The following CAPN3 variants were observed in gnomAD, a reference collection of about 807,000 sequenced individuals.
CAPN3 encodes calpain-3.
In CAPN3, 88 loss-of-function variants were observed where a neutral mutation model predicts 114.0. The ratio of observed to expected loss-of-function variants is 0.77; its 90% CI spans 0.65 to 0.92. CAPN3 has a LOEUF of 0.92. Ranked by LOEUF, CAPN3 falls within the 40% of genes least tolerant of loss-of-function variation. CAPN3 has a pLI of 0.00. For synonymous variants in CAPN3, 386 were observed against 382.9 expected (o/e 1.01, Z -0.09); for missense variants, 1,028 against 1,069.0 (o/e 0.96, Z 0.53).
At chr15:42,377,114 A>T (rs975763357) in intron 1 of CAPN3, among the ~76,000 whole-genome samples, 4 of 151,836 alleles carry the variant, frequency 2.6e-5, no homozygotes, top group Admixed American at 2.0e-4. Flanking sequence ...GTCATCTGTA[A>T]ATAAAGATAG....
In CAPN3 at chr15:42,380,368, C is replaced by CTTTTTT. The variant is rs776441239; in HGVS notation, c.310-4091_310-4086dup. Among the ~76,000 whole-genome samples, 45 of 46,108 alleles carry CTTTTTT rather than the reference C, an allele frequency of 9.8e-4. 3 individuals are homozygous for CTTTTTT. The highest frequency in any genetic ancestry group is 1.2e-3 in the African/African-American group (11 of 8,816). 30.2% of individuals were successfully genotyped at this position (46,108 alleles called of 152,430 possible). A position where few individuals can be genotyped will look rare whatever the true frequency, so the allele number is the denominator to read the frequency against. The stretch of plus-strand genomic sequence containing the variant: ...TATCCTTTTACCTCTTCTTTTTTGT[C>CTTTTTT]TTTTTTTTTTTTTTTTTTTTTTTTT... On this transcript the variant is annotated intron_variant, in intron 1 of 23. Coordinates refer to ENST00000397163, the MANE Select transcript of CAPN3 (RefSeq NM_000070.3).
intron 15 of CAPN3, among the ~76,000 whole-genome samples, chr15:42,407,205 G>A (rs1217892495): frequency 6.6e-6 from 1 of 152,210 alleles, no homozygotes; most frequent in East Asian, 1.9e-4. Flanking sequence ...CCTTGTTTGT[G>A]TAGCATCTTA....
intron 19 of CAPN3, 45 bp from the exon 20 acceptor site, chr15:42,410,383 G>A (rs1201725488): frequency 6.3e-7 from 1 of 1,575,232 alleles, no homozygotes; most frequent in South Asian, 1.1e-5. Context: ...CCAAATCCAG[G>A]GGGATTTTGC....
intron 7 of CAPN3, among the ~76,000 whole-genome samples, 184 bp from the exon 8 acceptor site, chr15:42,394,072 G>C (rs1186102323): frequency 6.6e-6 from 1 of 152,042 alleles, no homozygotes; most frequent in East Asian, 1.9e-4. Context: ...GACTCAGGAG[G>C]AAAGGTCTGA....
chr15:42,369,722 C>T (rs1555418342), intron 1 of CAPN3, among the ~76,000 whole-genome samples: 1 of 152,066 alleles, frequency 6.6e-6, no homozygotes, highest in Non-Finnish European at 1.5e-5. Context: ...ACATTTGTTG[C>T]CCCACAACTG....
chr15:42,408,347 T>C, intron 16 of CAPN3, 23 bp downstream of exon 16: 1 of 1,503,520 alleles, frequency 6.7e-7, no homozygotes, highest in Non-Finnish European at 9.3e-7. Context: ...GTGGCATGGG[T>C]GGGGTGGCCA....
At chr15:42,364,171 A>G (rs1474695531) in intron 1 of CAPN3, among the ~76,000 whole-genome samples, 2 of 152,218 alleles carry the variant, frequency 1.3e-5, no homozygotes, top group African/African-American at 4.8e-5. Flanking sequence ...CTAAGAGCCC[A>G]GGCTCTGAGG....
At position 42,387,735 on chromosome 15, in the gene CAPN3, C is replaced by T. The variant is rs144299553; in HGVS notation, c.499-18C>T. The T allele has an allele frequency of 6.3e-5, 101 of 1,614,088 alleles. 1 individual carries two copies. The South Asian group carries it at 6.7e-4, about 11-fold the overall frequency. On this transcript the variant is annotated intron_variant, in intron 3 of 23. Coordinates refer to ENST00000397163, the MANE Select transcript of CAPN3 (RefSeq NM_000070.3). ...AGTAATTTGAGTATGTGACTCTGTGCGTGACGCTTCTGTGCAGTTCTGGCG... is the reference window on the plus strand; with the variant it reads ...AGTAATTTGAGTATGTGACTCTGTGTGTGACGCTTCTGTGCAGTTCTGGCG...
At chr15:42,396,562 A>G (rs1349490107) in intron 8 of CAPN3, among the ~76,000 whole-genome samples, 5 of 152,070 alleles carry the variant, frequency 3.3e-5, no homozygotes, top group African/African-American at 1.2e-4. Flanking sequence ...CTTAACCTTT[A>G]AAGTATGATG....
chr15:42,380,751 A>ATATATATATATATATT (rs1436943739), intron 1 of CAPN3, among the ~76,000 whole-genome samples: 1 of 64,484 alleles, frequency 1.6e-5, no homozygotes, highest in African/African-American at 9.0e-5. Context: ...ATATATATAT[A>ATATATATATATATATT]TTTTTTTTTT....
chr15:42,411,482 G>A (rs2054232019), intron 23 of CAPN3, 137 bp downstream of exon 23: 3 of 900,998 alleles, frequency 3.3e-6, no homozygotes, highest in Admixed American at 3.5e-5. Flanking sequence ...GAACATGGAG[G>A]GAGGCTCAGC....
intron 14 of CAPN3, chr15:42,405,057 G>A (rs139949810): frequency 1.9e-4 from 185 of 979,282 alleles, no homozygotes; most frequent in Middle Eastern, 1.1e-3. Context: ...GGGTCAACAG[G>A]AATGTTGGGG....
At position 42,377,364 on chromosome 15, in the gene CAPN3, G is replaced by A. The variant is rs1471974273; in HGVS notation, c.310-7119G>A. On this transcript the variant is annotated intron_variant, in intron 1 of 23. Coordinates refer to ENST00000397163, the MANE Select transcript of CAPN3 (RefSeq NM_000070.3). ...CATTCTCCTCTCTTCCTAGTTAGCT[G>A]AGAGGTTTTTTTAAATCATGAATGG... Among the ~76,000 whole-genome samples the A allele has an allele frequency of 1.3e-5, 2 of 152,144 alleles. 1 individual carries two copies. Among genetic ancestry groups the A allele is most frequent in the Non-Finnish European group, 2.9e-5 (2 of 68,020 alleles).
intron 1 of CAPN3, among the ~76,000 whole-genome samples, chr15:42,371,626 G>A (rs965800564): frequency 5.9e-5 from 9 of 152,080 alleles, no homozygotes; most frequent in African/African-American, 1.9e-4. Context: ...ATGTGTTACA[G>A]ATACCTTCTC....
intron 10 of CAPN3, among the ~76,000 whole-genome samples, chr15:42,400,171 A>G (rs535450306): frequency 6.6e-6 from 1 of 152,328 alleles, no homozygotes; most frequent in South Asian, 2.1e-4. Flanking sequence ...TCTCTTTCAC[A>G]TTGTAAAGTT....
chr15:42,409,765 C>T, intron 17 of CAPN3, 22 bp from the exon 18 acceptor site: 1 of 1,611,830 alleles, frequency 6.2e-7, no homozygotes, highest in Admixed American at 1.7e-5. Flanking sequence ...GAACCATGAC[C>T]CTCCTCTCCC....
In CAPN3 at chr15:42,392,642, A is replaced by C; in HGVS notation, c.949A>C (p.Ile317Leu). Reference protein sequence around the residue: ...RGSDERPTRTIIPVQYETRMA... With the variant: ...RGSDERPTRTLIPVQYETRMA... The stretch of plus-strand genomic sequence containing the variant: ...TTCTCTGGTTACTGCTCTACAGACA[A>C]TCATTCCGGTTCAGTATGAGACAAG... The change falls in exon 7 of 24, where the codon ATC (isoleucine) becomes CTC (leucine). Residue 317 changes from isoleucine (I) to leucine (L), a missense_variant. Coordinates refer to ENST00000397163, the MANE Select transcript of CAPN3 (RefSeq NM_000070.3). 1 of 1,613,244 alleles carries C rather than the reference A, an allele frequency of 6.2e-7. No homozygotes were observed. Among genetic ancestry groups the C allele is most frequent in the Non-Finnish European group, 8.5e-7 (1 of 1,179,274 alleles).
intron 6 of CAPN3, among the ~76,000 whole-genome samples, chr15:42,391,623 C>T (rs746649510): frequency 1.7e-4 from 26 of 152,300 alleles, no homozygotes; most frequent in Non-Finnish European, 3.2e-4. Context: ...CGTTAGTAGG[C>T]ACATGGAAGC....
intron 14 of CAPN3, chr15:42,404,056 A>G (rs552761232): frequency 1.8e-6 from 1 of 565,968 alleles, no homozygotes; most frequent in African/African-American, 1.9e-5. Context: ...GAACAAGGCC[A>G]CAGGAAGGGA....
Sources: gnomAD v4.1 joint callset for allele counts (sites outside exome capture counted in the v4.1 genomes callset) on GRCh38, gnomAD v4.1.1 for gene constraint, MANE v1.5 for transcripts, NCBI Gene and HGNC (gene_info 2026-07-23, HGNC 2026-07-21) for gene names.